Variants in COL4A6 observed in about 807,000 individuals in gnomAD.
The protein encoded by COL4A6 is collagen alpha-6(IV) chain.
Under a neutral mutation model 126.7 loss-of-function variants are expected in COL4A6, and 59 were observed. The observed-to-expected ratio is 0.47, with a 90% CI of 0.38 to 0.58. The LOEUF (loss-of-function observed/expected upper bound fraction) is 0.58. Among genes scored for constraint, COL4A6 ranks in the 20% least tolerant of loss-of-function variants. The probability of loss-of-function intolerance (pLI) is 0.00; values close to 1 mark genes in which losing one functional copy is unlikely to be tolerated. For synonymous variants in COL4A6, 547 were observed against 496.6 expected, an observed-to-expected ratio of 1.10 and a Z score of -1.35; for missense variants, 1,285 against 1,337.3, an observed-to-expected ratio of 0.96 and a Z score of 0.61.
intron 18 of COL4A6, among the ~76,000 whole-genome samples, chrX:108,192,114 C>T (rs938616034): frequency 8.9e-6 from 1 of 111,825 alleles, no homozygotes; most frequent in Non-Finnish European, 1.9e-5. Flanking sequence ...TTCCTCTGGG[C>T]TTTTGCTAGC....
intron 2 of COL4A6, among the ~76,000 whole-genome samples, chrX:108,400,519 C>A (rs1251050521): frequency 9.0e-6 from 1 of 111,515 alleles, no homozygotes; most frequent in Non-Finnish European, 1.9e-5. Flanking sequence ...CCAAATACAG[C>A]AGGGTGAAAC....
intron 2 of COL4A6, among the ~76,000 whole-genome samples, chrX:108,345,634 T>C (rs1015942379): frequency 9.0e-6 from 1 of 111,675 alleles, no homozygotes; most frequent in Non-Finnish European, 1.9e-5. Context: ...TGGCTGATGG[T>C]GACATTTGAT....
chrX:108,335,380 C>G (rs772204590), intron 2 of COL4A6, among the ~76,000 whole-genome samples: 1 of 111,946 alleles, frequency 8.9e-6, no homozygotes, highest in African/African-American at 3.2e-5. Context: ...GATGAGGTAA[C>G]CTTCCCAATA....
chrX:108,272,611 C>T (rs886094033), intron 3 of COL4A6, among the ~76,000 whole-genome samples: 1 of 111,179 alleles, frequency 9.0e-6, no homozygotes, highest in Non-Finnish European at 1.9e-5. Flanking sequence ...AAACAAACAA[C>T]AACAACAACA....
chrX:108,311,801 G>A (rs912684176), intron 2 of COL4A6, among the ~76,000 whole-genome samples: 5 of 111,702 alleles, frequency 4.5e-5, no homozygotes, highest in Non-Finnish European at 9.4e-5. Flanking sequence ...TAAGCTTCAT[G>A]TAAGTAGGGA....
At chrX:108,161,120 G>A (rs1042757849) in intron 42 of COL4A6, among the ~76,000 whole-genome samples, 1 of 111,937 alleles carries the variant, frequency 8.9e-6, no homozygotes, top group African/African-American at 3.2e-5. Context: ...TGACAGACAT[G>A]ACAAATCAAC....
chrX:108,225,241 C>G (rs1420001883), intron 3 of COL4A6, among the ~76,000 whole-genome samples: 1 of 112,072 alleles, frequency 8.9e-6, no homozygotes, highest in Non-Finnish European at 1.9e-5. Context: ...GGGACTGTCC[C>G]CATCAGTAGG....
intron 2 of COL4A6, among the ~76,000 whole-genome samples, chrX:108,338,162 G>A (rs2039477414): frequency 9.0e-6 from 1 of 111,710 alleles, no homozygotes; most frequent in Non-Finnish European, 1.9e-5. Context: ...AATCACTGGG[G>A]AGGAATGAGA....
intron 42 of COL4A6, 100 bp from the exon 43 acceptor site, chrX:108,160,754 G>C (rs1295043517): frequency 2.6e-6 from 2 of 759,025 alleles, no homozygotes; most frequent in Non-Finnish European, 3.7e-6. Flanking sequence ...TTATACACAT[G>C]TATTATCTCA....
intron 2 of COL4A6, among the ~76,000 whole-genome samples, chrX:108,372,334 C>A (rs1173309346): frequency 9.0e-6 from 1 of 111,585 alleles, no homozygotes; most frequent in Non-Finnish European, 1.9e-5. Flanking sequence ...GAACTGAAAT[C>A]TTTACCCTAG....
At chrX:108,397,057 A>G (rs992393153) in intron 2 of COL4A6, among the ~76,000 whole-genome samples, 1 of 112,161 alleles carries the variant, frequency 8.9e-6, no homozygotes, top group African/African-American at 3.2e-5. Context: ...TACACATCGT[A>G]TCTTCCACAA....
At chrX:108,343,130 T>A (rs1466299316) in intron 2 of COL4A6, among the ~76,000 whole-genome samples, 1 of 80,110 alleles carries the variant, frequency 1.2e-5, no homozygotes, top group East Asian at 4.3e-4. Context: ...AAAAGATTAA[T>A]GGGAATATAT....
At chrX:108,205,767 G>A in intron 9 of COL4A6, 72 bp from the exon 10 acceptor site, 2 of 898,866 alleles carry the variant, frequency 2.2e-6, no homozygotes, top group Admixed American at 2.4e-5. Context: ...GGCATGTTGA[G>A]AGTCACTCCC....
chrX:108,237,859 CATCT>C (rs36190820), intron 3 of COL4A6, among the ~76,000 whole-genome samples: 35,373 of 91,350 alleles, frequency 0.39, 5,786 homozygotes, highest in Admixed American at 0.42. Context: ...CTGTCTCTAT[CATCT>C]ATCTATCTAT....
At chrX:108,422,228 T>C (rs757972031) in intron 2 of COL4A6, among the ~76,000 whole-genome samples, 5 of 110,156 alleles carry the variant, frequency 4.5e-5, no homozygotes, top group African/African-American at 1.7e-4. Flanking sequence ...TAGCTGGACA[T>C]GGTGGTGCAT....
chrX:108,161,353 C>G (rs2033927493), intron 42 of COL4A6, among the ~76,000 whole-genome samples: 1 of 111,494 alleles, frequency 9.0e-6, no homozygotes, highest in Non-Finnish European at 1.9e-5. Context: ...AAAGTCAGAC[C>G]TTTTAAGCAC....
chrX:108,271,946 A>G (rs1359313252), intron 3 of COL4A6, among the ~76,000 whole-genome samples: 5 of 112,247 alleles, frequency 4.5e-5, no homozygotes, highest in African/African-American at 1.3e-4. Flanking sequence ...GGGTATACAC[A>G]ATAACATCTG....
At chrX:108,320,659 A>C (rs770811696) in intron 2 of COL4A6, among the ~76,000 whole-genome samples, 11 of 111,997 alleles carry the variant, frequency 9.8e-5, no homozygotes, top group Non-Finnish European at 1.5e-4. Context: ...AGCTCTGTTA[A>C]TACTCTGCAC....
At chrX:108,187,308 A>T (rs1352334158) in intron 22 of COL4A6, 29 bp from the exon 23 acceptor site, 5 of 1,064,989 alleles carry the variant, frequency 4.7e-6, no homozygotes, top group Non-Finnish European at 6.2e-6. Flanking sequence ...AAAGAATGAA[A>T]ATTCAACTCA....
Sources: gnomAD v4.1 joint callset for allele counts (sites outside exome capture counted in the v4.1 genomes callset) on GRCh38, gnomAD v4.1.1 for gene constraint, MANE v1.5 for transcripts, NCBI Gene and HGNC (gene_info 2026-07-23, HGNC 2026-07-21) for gene names.